Variants in ZMYM2 observed in about 807,000 individuals in gnomAD.
ZMYM2 encodes the protein zinc finger MYM-type containing 2, also known as zinc finger MYM-type protein 2.
In ZMYM2, 56 loss-of-function variants were observed where a neutral mutation model predicts 162.8. That is an observed-to-expected ratio of 0.34 (90% confidence interval 0.28 to 0.43). The LOEUF (loss-of-function observed/expected upper bound fraction) is 0.43. Among genes scored for constraint, ZMYM2 ranks in the 20% least tolerant of loss-of-function variants. The pLI, the probability that ZMYM2 is intolerant of heterozygous loss-of-function variation, is 1.00. For synonymous variants in ZMYM2, 510 were observed against 541.6 expected (o/e 0.94, Z 0.81); for missense variants, 1,275 against 1,621.8 (o/e 0.79, Z 3.67).
chr13:19,885,889 A>ACACACATATG, the ZMYM2 span, among the ~76,000 whole-genome samples: 6 of 33,278 alleles, frequency 1.8e-4, 2 homozygotes, highest in Admixed American at 4.4e-4. Context: ...ACACATATAT[A>ACACACATATG]TGTGTATACA....
At chr13:20,064,965 C>G (rs1956561003) in intron 19 of ZMYM2, among the ~76,000 whole-genome samples, 1 of 151,702 alleles carries the variant, frequency 6.6e-6, no homozygotes, top group African/African-American at 2.4e-5. Context: ...CTGTTTTTTC[C>G]ACGATTATTT....
At chr13:20,002,396 C>T (rs1467717003) in intron 3 of ZMYM2, among the ~76,000 whole-genome samples, 1 of 152,166 alleles carries the variant, frequency 6.6e-6, no homozygotes, top group East Asian at 1.9e-4. Flanking sequence ...GAGGTTGATA[C>T]CATTTCAGGC....
intron 2 of ZMYM2, among the ~76,000 whole-genome samples, chr13:19,987,688 C>T (rs1195627775): frequency 6.9e-6 from 1 of 144,814 alleles, no homozygotes; most frequent in Non-Finnish European, 1.5e-5. Flanking sequence ...GTCATGTTGG[C>T]CAGGCTGGTC....
intron 17 of ZMYM2, 70 bp from the exon 18 acceptor site, chr13:20,062,776 G>C: frequency 2.9e-6 from 4 of 1,385,188 alleles, no homozygotes; most frequent in Non-Finnish European, 3.8e-6. Context: ...ACTTGCTTTT[G>C]CCAGATTAAA....
intron 6 of ZMYM2, among the ~76,000 whole-genome samples, chr13:20,017,569 G>C (rs537386999): frequency 6.7e-6 from 1 of 149,604 alleles, no homozygotes; most frequent in Admixed American, 6.7e-5. Context: ...TTCTAACTCT[G>C]TCCTCTTTTT....
chr13:20,019,714 A>G, intron 7 of ZMYM2, 96 bp downstream of exon 7: 1 of 1,105,552 alleles, frequency 9.0e-7, no homozygotes, highest in Non-Finnish European at 1.3e-6. Flanking sequence ...GTCCAATTTG[A>G]AATATATTAA....
chr13:20,071,262 G>A (rs1957066954), intron 21 of ZMYM2, among the ~76,000 whole-genome samples: 1 of 152,180 alleles, frequency 6.6e-6, no homozygotes, highest in South Asian at 2.1e-4. Context: ...TTTAGTACAA[G>A]TCTTTGTACT....
intron 6 of ZMYM2, among the ~76,000 whole-genome samples, chr13:20,016,994 T>G (rs1951684938): frequency 6.6e-6 from 1 of 152,196 alleles, no homozygotes; most frequent in East Asian, 1.9e-4. Flanking sequence ...CATGGGCCCC[T>G]TAGGCTTTTG....
chr13:19,885,941 A>ATGTG, the ZMYM2 span, among the ~76,000 whole-genome samples: 11 of 121,132 alleles, frequency 9.1e-5, 4 homozygotes, highest in Admixed American at 1.5e-4. Context: ...ATACACATAT[A>ATGTG]TATGTATATA....
chr13:20,047,194 T>C (rs1230419144), intron 12 of ZMYM2, among the ~76,000 whole-genome samples: 1 of 152,254 alleles, frequency 6.6e-6, no homozygotes, highest in Admixed American at 6.5e-5. Context: ...TCCTTGGTTT[T>C]GCTGCCTGCA....
At chr13:19,931,487 TC>T in the ZMYM2 span, among the ~76,000 whole-genome samples, 1 of 152,204 alleles carries the variant, frequency 6.6e-6, no homozygotes, top group Non-Finnish European at 1.5e-5. Flanking sequence ...TCCCTCCCTC[TC>T]CCAACCCCTG....
At chr13:19,873,850 A>G in the ZMYM2 span, among the ~76,000 whole-genome samples, 1 of 152,182 alleles carries the variant, frequency 6.6e-6, no homozygotes, top group Admixed American at 6.5e-5. Context: ...GGCTCACCCC[A>G]TACTCATCTG....
the ZMYM2 span, among the ~76,000 whole-genome samples, chr13:19,881,956 T>G: frequency 2.9e-5 from 4 of 138,394 alleles, no homozygotes; most frequent in East Asian, 8.3e-4. Flanking sequence ...CACCCCAGTC[T>G]GGGCAAGAGT....
At chr13:19,981,267 C>A (rs1369329661) in intron 2 of ZMYM2, among the ~76,000 whole-genome samples, 1 of 150,050 alleles carries the variant, frequency 6.7e-6, no homozygotes, top group Admixed American at 6.6e-5. Context: ...TGAGACCCTG[C>A]CTCTAAAAAA....
At chr13:19,885,943 A>ATGTGTATATACACATATATG in the ZMYM2 span, among the ~76,000 whole-genome samples, 11 of 24,416 alleles carry the variant, frequency 4.5e-4, 4 homozygotes, top group Non-Finnish European at 7.9e-4. Context: ...ACACATATAT[A>ATGTGTATATACACATATATG]TGTATATACA....
intron 14 of ZMYM2, among the ~76,000 whole-genome samples, chr13:20,057,016 A>G (rs1008903138): frequency 1.3e-5 from 2 of 152,198 alleles, no homozygotes; most frequent in South Asian, 2.1e-4. Flanking sequence ...GGGCACATCA[A>G]AGGTTGAGAG....
upstream of ZMYM2, among the ~76,000 whole-genome samples, chr13:19,957,820 G>T (rs1954650851): frequency 6.6e-6 from 1 of 152,200 alleles, no homozygotes; most frequent in Admixed American, 6.5e-5. Flanking sequence ...AGGGGAGCCC[G>T]CAGCTCCCTC....
chr13:20,004,267 T>TG (rs1343441025), intron 4 of ZMYM2, among the ~76,000 whole-genome samples: 7 of 148,376 alleles, frequency 4.7e-5, no homozygotes, highest in Admixed American at 3.3e-4. Context: ...TGTTTTGTTT[T>TG]TTTTTGAGAC....
intron 2 of ZMYM2, among the ~76,000 whole-genome samples, chr13:19,968,091 A>G (rs750354585): frequency 5.3e-5 from 8 of 152,206 alleles, no homozygotes; most frequent in Non-Finnish European, 5.9e-5. Flanking sequence ...CACTGTCAAC[A>G]CTATAACAAA....
Sources: gnomAD v4.1 joint callset for allele counts (sites outside exome capture counted in the v4.1 genomes callset) on GRCh38, gnomAD v4.1.1 for gene constraint, MANE v1.5 for transcripts, NCBI Gene and HGNC (gene_info 2026-07-23, HGNC 2026-07-21) for gene names.